Variants in SDK1 observed in about 807,000 individuals in gnomAD.
SDK1 encodes the protein protein sidekick-1.
Under a neutral mutation model 245.5 loss-of-function variants are expected in SDK1, and 157 were observed. The observed-to-expected ratio is 0.64, with a 90% CI of 0.56 to 0.73. The LOEUF (loss-of-function observed/expected upper bound fraction) is 0.73. SDK1 is among the 30% of genes least tolerant of loss of function. The pLI, the probability that SDK1 is intolerant of heterozygous loss-of-function variation, is 0.00. For synonymous variants in SDK1, 1,647 were observed against 1,278.5 expected (o/e 1.29, Z -6.15); for missense variants, 3,583 against 3,002.3 (o/e 1.19, Z -4.52).
intron 17 of SDK1, among the ~76,000 whole-genome samples, chr7:4,045,577 T>C (rs566330742): frequency 3.9e-5 from 6 of 152,148 alleles, no homozygotes; most frequent in Non-Finnish European, 7.3e-5. Context: ...CTTTTACATG[T>C]CTTGTGCACA....
At chr7:3,952,191 C>G (rs914019400) in intron 7 of SDK1, 1 of 465,610 alleles carries the variant, frequency 2.1e-6, no homozygotes, top group Non-Finnish European at 3.8e-6. Context: ...CGGTGAAACC[C>G]CTGTCATATA....
chr7:4,003,785 C>A (rs1785250613), intron 14 of SDK1, among the ~76,000 whole-genome samples: 1 of 152,246 alleles, frequency 6.6e-6, no homozygotes, highest in Non-Finnish European at 1.5e-5. Context: ...CTAAGGAATG[C>A]AGCCTGCTTA....
chr7:3,846,812 C>T (rs1037092208), intron 5 of SDK1, among the ~76,000 whole-genome samples: 6 of 152,098 alleles, frequency 3.9e-5, no homozygotes, highest in South Asian at 2.1e-4. Flanking sequence ...CTTCTCCTCC[C>T]GCTACGAGGG....
intron 1 of SDK1, among the ~76,000 whole-genome samples, chr7:3,509,097 T>C (rs1240396335): frequency 6.6e-6 from 1 of 151,894 alleles, no homozygotes; most frequent in South Asian, 2.1e-4. Flanking sequence ...TGTGTGTGTG[T>C]GTATGTATGT....
At chr7:3,906,921 T>C (rs1778967956) in intron 5 of SDK1, among the ~76,000 whole-genome samples, 1 of 152,146 alleles carries the variant, frequency 6.6e-6, no homozygotes, top group South Asian at 2.1e-4. Context: ...TGAGCCACCG[T>C]ACCCTGCCTC....
chr7:3,418,723 A>G (rs1779451927), intron 1 of SDK1, among the ~76,000 whole-genome samples: 2 of 152,202 alleles, frequency 1.3e-5, no homozygotes, highest in South Asian at 2.1e-4. Context: ...CGATACTGTT[A>G]CATAGTCCAG....
chr7:4,148,366 C>T (rs916888099), intron 29 of SDK1, among the ~76,000 whole-genome samples: 3 of 152,246 alleles, frequency 2.0e-5, no homozygotes, highest in Non-Finnish European at 4.4e-5. Flanking sequence ...CTGCTGAAAT[C>T]GATGGGGTGC....
chr7:3,764,083 G>A (rs1174738103), intron 4 of SDK1, among the ~76,000 whole-genome samples: 1 of 152,088 alleles, frequency 6.6e-6, no homozygotes, highest in African/African-American at 2.4e-5. Flanking sequence ...GGACCCTGGG[G>A]GTCAAAGCTA....
chr7:4,031,872 C>G (rs1038882678), intron 17 of SDK1, among the ~76,000 whole-genome samples: 1 of 151,912 alleles, frequency 6.6e-6, no homozygotes, highest in East Asian at 1.9e-4. Flanking sequence ...ACTGAAAATA[C>G]AAAAATTAGC....
chr7:3,938,640 C>T (rs967188868), intron 5 of SDK1, among the ~76,000 whole-genome samples: 9 of 120,784 alleles, frequency 7.5e-5, no homozygotes, highest in South Asian at 2.3e-4. Context: ...AGTGAGACTC[C>T]GTCTCAAAAA....
intron 1 of SDK1, among the ~76,000 whole-genome samples, chr7:3,452,071 A>C (rs1157291725): frequency 6.6e-6 from 1 of 152,224 alleles, no homozygotes; most frequent in African/African-American, 2.4e-5. Flanking sequence ...TATTGAGTTA[A>C]ATTGTATAAA....
At chr7:4,150,936 G>T (rs1780337818) in intron 30 of SDK1, among the ~76,000 whole-genome samples, 1 of 152,260 alleles carries the variant, frequency 6.6e-6, no homozygotes, top group Non-Finnish European at 1.5e-5. Flanking sequence ...TGCAGGCTCA[G>T]CCTGGCTTCT....
rs527932728 is a variant in SDK1, at chr7:3,778,322, A to G, written c.714-43128A>G. On this transcript the variant is annotated intron_variant, in intron 4 of 44. Coordinates refer to ENST00000404826, the MANE Select transcript of SDK1 (RefSeq NM_152744.4). ...CAGCATGAAAAAGCAAGGTGATACTATATTTTAGAAAATGCCCTCATGGCT... is the reference window on the plus strand; with the variant it reads ...CAGCATGAAAAAGCAAGGTGATACTGTATTTTAGAAAATGCCCTCATGGCT... Among the ~76,000 whole-genome samples the G allele has an allele frequency of 4.6e-5, 7 of 152,356 alleles. No individual in the cohort carries two copies. The East Asian group carries it at 7.7e-4, about 17-fold the overall frequency.
intron 1 of SDK1, among the ~76,000 whole-genome samples, chr7:3,481,963 C>T (rs1032303956): frequency 3.3e-5 from 5 of 151,864 alleles, no homozygotes; most frequent in African/African-American, 7.3e-5. Flanking sequence ...TATTAAAGCC[C>T]TGCCTCACAT....
intron 40 of SDK1, among the ~76,000 whole-genome samples, chr7:4,231,022 A>G (rs1401835117): frequency 2.0e-5 from 3 of 152,090 alleles, no homozygotes; most frequent in Non-Finnish European, 4.4e-5. Flanking sequence ...GGAGGGGGCA[A>G]CAGTTCTCCA....
At chr7:4,090,828 T>C (rs1781742175) in intron 22 of SDK1, among the ~76,000 whole-genome samples, 1 of 152,196 alleles carries the variant, frequency 6.6e-6, no homozygotes, top group Admixed American at 6.5e-5. Flanking sequence ...TAGCCACACA[T>C]ACTGAAAAGC....
intron 12 of SDK1, among the ~76,000 whole-genome samples, chr7:3,971,937 C>T (rs577374653): frequency 3.3e-5 from 5 of 152,134 alleles, no homozygotes; most frequent in East Asian, 1.9e-4. Context: ...GTGCCACTCC[C>T]GGGAGAGTTC....
chr7:4,053,086 CAAAAAAAA>C (rs923402926), intron 19 of SDK1, among the ~76,000 whole-genome samples: 2 of 60,140 alleles, frequency 3.3e-5, no homozygotes, highest in African/African-American at 1.1e-4. Flanking sequence ...GACTCTGTCT[CAAAAAAAA>C]AAAAAAAAAA....
intron 1 of SDK1, among the ~76,000 whole-genome samples, chr7:3,513,899 T>C (rs1782655188): frequency 6.6e-6 from 1 of 152,204 alleles, no homozygotes; most frequent in Non-Finnish European, 1.5e-5. Flanking sequence ...TTTTCTGTTC[T>C]TGCATTAATT....
Sources: allele counts gnomAD v4.1 joint callset (sites outside exome capture counted in the v4.1 genomes callset), GRCh38; gene constraint gnomAD v4.1.1; transcripts MANE v1.5; gene names NCBI Gene and HGNC (gene_info 2026-07-23, HGNC 2026-07-21).